The following PNLIPRP3 variants were observed in gnomAD, a reference collection of about 807,000 sequenced individuals.
PNLIPRP3 encodes the protein pancreatic lipase-related protein 3.
A neutral mutation model predicts 52.8 loss-of-function variants in PNLIPRP3; 58 were observed. The ratio of observed to expected loss-of-function variants is 1.10; its 90% CI spans 0.89 to 1.37. PNLIPRP3 has a LOEUF of 1.37. Ranked by LOEUF, PNLIPRP3 falls within the 40% of genes most tolerant of loss-of-function variation. PNLIPRP3 has a pLI of 0.00. For synonymous variants in PNLIPRP3, 192 were observed against 185.0 expected, an observed-to-expected ratio of 1.04 and a Z score of -0.31; for missense variants, 593 against 561.6, an observed-to-expected ratio of 1.06 and a Z score of -0.57.
chr10:116,470,404 T>C (rs905236624), intron 9 of PNLIPRP3, among the ~76,000 whole-genome samples: 3 of 151,304 alleles, frequency 2.0e-5, no homozygotes, highest in Non-Finnish European at 2.9e-5. Flanking sequence ...GACTGAAGAA[T>C]GGGCAGAGAG....
chr10:116,455,590 A>G, intron 4 of PNLIPRP3, 132 bp from the exon 5 acceptor site: 2 of 655,996 alleles, frequency 3.0e-6, no homozygotes, highest in Non-Finnish European at 5.2e-6. Flanking sequence ...TCACTTTGTG[A>G]CTTTACCAGT....
chr10:116,459,030 C>G (rs1846153949), intron 5 of PNLIPRP3, among the ~76,000 whole-genome samples: 1 of 152,088 alleles, frequency 6.6e-6, no homozygotes, highest in Admixed American at 6.5e-5. Flanking sequence ...TTACTTGACC[C>G]CTCTGCAGAA....
intron 2 of PNLIPRP3, among the ~76,000 whole-genome samples, chr10:116,438,750 A>G (rs1348196886): frequency 6.6e-6 from 1 of 152,204 alleles, no homozygotes; most frequent in Admixed American, 6.5e-5. Flanking sequence ...CCTGACCCAT[A>G]TGTTATATGA....
chr10:116,442,600 G>A (rs536978350), intron 2 of PNLIPRP3, among the ~76,000 whole-genome samples: 19 of 152,146 alleles, frequency 1.2e-4, no homozygotes, highest in East Asian at 3.9e-4. Flanking sequence ...GTGGTGGCTC[G>A]TGCCTATAAT....
At chr10:116,433,852 A>G (rs1380222691) in intron 1 of PNLIPRP3, among the ~76,000 whole-genome samples, 1 of 151,536 alleles carries the variant, frequency 6.6e-6, no homozygotes, top group African/African-American at 2.5e-5. Context: ...GGATAACATG[A>G]GCAAGAAATA....
chr10:116,439,472 C>T (rs1354783439), intron 2 of PNLIPRP3: 1 of 698,790 alleles, frequency 1.4e-6, no homozygotes, highest in Non-Finnish European at 2.6e-6. Context: ...CCTCCTCCTC[C>T]TCCTATTCTT....
chr10:116,454,201 C>A (rs572893005), intron 4 of PNLIPRP3, among the ~76,000 whole-genome samples: 1 of 152,108 alleles, frequency 6.6e-6, no homozygotes, highest in Non-Finnish European at 1.5e-5. Flanking sequence ...TCACTGCAAC[C>A]TCTGCCTTCT....
At chr10:116,466,189 G>C (rs1846280601) in intron 8 of PNLIPRP3, 21 bp downstream of exon 8, 1 of 1,503,538 alleles carries the variant, frequency 6.7e-7, no homozygotes, top group African/African-American at 1.4e-5. Flanking sequence ...CATCTTACTT[G>C]GAATTTAATT....
intron 2 of PNLIPRP3, among the ~76,000 whole-genome samples, chr10:116,438,403 G>A (rs972874429): frequency 1.3e-5 from 2 of 152,152 alleles, no homozygotes; most frequent in African/African-American, 4.8e-5. Flanking sequence ...ATCACATACT[G>A]CTGGGCCTTG....
intron 1 of PNLIPRP3, among the ~76,000 whole-genome samples, chr10:116,429,572 C>G (rs1213658632): frequency 2.0e-5 from 3 of 152,186 alleles, no homozygotes; most frequent in African/African-American, 7.2e-5. Flanking sequence ...AGTCCCTGGC[C>G]TCCAGCTCTT....
intron 2 of PNLIPRP3, chr10:116,439,691 T>C (rs938762977): frequency 5.2e-6 from 4 of 768,270 alleles, no homozygotes; most frequent in Admixed American, 1.7e-5. Flanking sequence ...ACGTCTCCAA[T>C]AGAGAAGCCA....
intron 5 of PNLIPRP3, among the ~76,000 whole-genome samples, chr10:116,456,418 T>C (rs901745516): frequency 1.3e-5 from 2 of 152,216 alleles, no homozygotes; most frequent in African/African-American, 4.8e-5. Flanking sequence ...ACACATTGTA[T>C]ACATGTCTCA....
chr10:116,440,704 A>G (rs1445653234), intron 2 of PNLIPRP3, among the ~76,000 whole-genome samples: 1 of 152,156 alleles, frequency 6.6e-6, no homozygotes, highest in Non-Finnish European at 1.5e-5. Context: ...AGGTCTTTAC[A>G]GTTACCTTTC....
At position 116,473,515 on chromosome 10, in the gene PNLIPRP3, T is replaced by TTTTC. The variant is rs1464428446; in HGVS notation, c.1172+1652_1172+1655dup. Among the ~76,000 whole-genome samples the TTTTC allele has an allele frequency of 7.2e-5, 11 of 152,194 alleles. No individual in the cohort carries two copies. In the South Asian group the frequency reaches 1.7e-3, roughly 23 times the overall value. On this transcript the variant is annotated intron_variant, in intron 10 of 11. Transcript: ENST00000369230. ...CCATTATATAAGTTGCTAAATTTCT[T>TTTTC]TTTCTTTCTTTCTTTCTTTTTTTTG...
At position 116,477,297 on chromosome 10, in the gene PNLIPRP3, C is replaced by CT; in HGVS notation, c.*151dup. On this transcript the variant is annotated 3_prime_UTR_variant, in exon 12 of 12. Coordinates refer to ENST00000369230, the MANE Select transcript of PNLIPRP3 (RefSeq NM_001011709.3). ...TTACTCAGAGTCAAGTACGGGTTTGCTTTTTTTCTGTGTAGAATGTTCATC... is the reference window on the plus strand; with the variant it reads ...TTACTCAGAGTCAAGTACGGGTTTGCTTTTTTTTCTGTGTAGAATGTTCATC... The CT allele has an allele frequency of 1.8e-6, 1 of 549,666 alleles. No individual in the cohort carries two copies. Among genetic ancestry groups the CT allele is most frequent in the Non-Finnish European group, 3.1e-6 (1 of 327,554 alleles). 34.0% of individuals were successfully genotyped at this position (549,666 alleles called of 1,614,324 possible).
intron 7 of PNLIPRP3, among the ~76,000 whole-genome samples, chr10:116,464,774 C>T (rs773301782): frequency 2.0e-5 from 3 of 152,220 alleles, no homozygotes; most frequent in Non-Finnish European, 2.9e-5. Flanking sequence ...GGAAACATTA[C>T]GGCTTGTTTG....
At chr10:116,464,079 A>G (rs1003521172) in intron 7 of PNLIPRP3, among the ~76,000 whole-genome samples, 2 of 152,230 alleles carry the variant, frequency 1.3e-5, no homozygotes, top group Non-Finnish European at 2.9e-5. Flanking sequence ...TTTAGATCTT[A>G]TTATTATTCC....
In PNLIPRP3 at chr10:116,476,670, C is replaced by A. The variant is rs774485542; in HGVS notation, c.1191C>A (p.Gly397=). The A allele has an allele frequency of 1.3e-6, 2 of 1,578,194 alleles. No homozygotes were observed. The highest frequency in any genetic ancestry group is 8.6e-7 in the Non-Finnish European group (1 of 1,166,440). Residue 397 remains glycine (G), a synonymous_variant, in exon 11 of 12, where the codon GGC becomes GGA. Transcript: ENST00000369230. The part of the protein sequence containing the change: ...FAIVSGKLEP[G]MTYTKLIDAD... ...TTTACAGTGGAAAACTTGAGCCAGG[C>A]ATGACTTACACAAAATTAATCGATG...
chr10:116,443,790 TATGTGTGTGTGC>T (rs1845896976), intron 3 of PNLIPRP3, among the ~76,000 whole-genome samples: 1 of 11,024 alleles, frequency 9.1e-5, no homozygotes, highest in African/African-American at 1.1e-4. Context: ...TGTGTGTATG[TATGTGTGTGTGC>T]ATATATATAT....
Sources: gnomAD v4.1 joint callset for allele counts (sites outside exome capture counted in the v4.1 genomes callset) on GRCh38, gnomAD v4.1.1 for gene constraint, MANE v1.5 for transcripts, NCBI Gene and HGNC (gene_info 2026-07-23, HGNC 2026-07-21) for gene names.